SQOR: variants seen among roughly 807,000 people sequenced by gnomAD.
The protein encoded by SQOR is sulfide quinone oxidoreductase, also known as sulfide:quinone oxidoreductase, mitochondrial.
SQOR carries 39 observed loss-of-function variants against 48.6 expected under a neutral mutation model. The observed-to-expected ratio is 0.80, with a 90% CI of 0.62 to 1.05. The LOEUF is 1.05. Ranked by LOEUF, SQOR falls within the 50% of genes least tolerant of loss-of-function variation. The pLI, the probability that SQOR is intolerant of heterozygous loss-of-function variation, is 0.00. For synonymous variants in SQOR, 220 were observed against 206.2 expected, an observed-to-expected ratio of 1.07 and a Z score of -0.57; for missense variants, 561 against 559.9, an observed-to-expected ratio of 1.00 and a Z score of -0.02.
intron 3 of SQOR, 149 bp downstream of exon 3, chr15:45,662,274 C>A: frequency 2.5e-6 from 2 of 785,568 alleles, no homozygotes; most frequent in Non-Finnish European, 4.0e-6. Context: ...CACAAGATGG[C>A]AGGGTATGTG....
chr15:45,668,552 G>C lies in SQOR; in HGVS notation c.406-1376G>C, dbSNP rs1889879770. Among the ~76,000 whole-genome samples the C allele has an allele frequency of 2.0e-5, 3 of 152,220 alleles. No homozygotes were observed. The South Asian group carries it at 6.2e-4, about 31-fold the overall frequency. On this transcript the variant is annotated intron_variant, in intron 3 of 9. Coordinates refer to ENST00000260324, the MANE Select transcript of SQOR (RefSeq NM_021199.4). ...CAGTGGTGAGGGTGATCGTGTCATA[G>C]TGGGAAAGCCTGCTGTGGAGGTGGC... is the stretch of plus-strand genomic sequence containing the variant.
Position 45,689,102 on chromosome 15 carries a change from G to A in SQOR, c.1180G>A (p.Asp394Asn), listed in dbSNP as rs754793253. 2 of 1,614,156 alleles carry A rather than the reference G, an allele frequency of 1.2e-6. No individual in the cohort carries two copies. Among genetic ancestry groups the A allele is most frequent in the Admixed American group, 1.7e-5 (1 of 60,014 alleles). ...GYNRVILAEFDYKAEPLETFP... is the reference protein window; with the variant it reads ...GYNRVILAEFNYKAEPLETFP... The stretch of plus-strand genomic sequence containing the variant: ...CAACCGTGTGATTCTTGCTGAGTTT[G>A]ACTACAAAGCAGAGCCGCTAGAAAC... The change falls in exon 9 of 10, where the codon GAC (aspartate) becomes AAC (asparagine). Residue 394 changes from aspartate (D) to asparagine (N), a missense_variant. Coordinates refer to ENST00000260324, the MANE Select transcript of SQOR (RefSeq NM_021199.4).
At chr15:45,688,899 AT>A in intron 8 of SQOR, 139 bp from the exon 9 acceptor site, 1 of 664,102 alleles carries the variant, frequency 1.5e-6, no homozygotes. Context: ...TATAATTTAC[AT>A]TTTTCACAGT....
chr15:45,653,143 A>G (rs774610566), intron 1 of SQOR, among the ~76,000 whole-genome samples: 8 of 152,126 alleles, frequency 5.3e-5, no homozygotes, highest in East Asian at 1.9e-4. Flanking sequence ...ATCAATACCA[A>G]CTAGGTGCCC....
At chr15:45,655,752 T>G (rs1178516036) in intron 1 of SQOR, among the ~76,000 whole-genome samples, 1 of 151,628 alleles carries the variant, frequency 6.6e-6, no homozygotes, top group East Asian at 1.9e-4. Context: ...GGCGCAATCT[T>G]GGCTTACTGC....
At chr15:45,631,278 T>C (rs921197435), upstream of SQOR, 2 of 153,978 alleles carry the variant, frequency 1.3e-5, no homozygotes, top group African/African-American at 4.8e-5. Flanking sequence ...GGTATGTCTT[T>C]ATCAGCAGTG....
upstream of SQOR, among the ~76,000 whole-genome samples, chr15:45,632,482 A>T (rs1365156819): frequency 6.6e-6 from 1 of 151,842 alleles, no homozygotes; most frequent in African/African-American, 2.4e-5. Flanking sequence ...AGCCTCCCAA[A>T]GTGCTAGGAT....
rs542128204 is a variant in SQOR, at chr15:45,652,165, C to A, written c.-17-6742C>A. ...CTGGGATTACAGGCGTGAGCCACCA[C>A]GTCCGGCCGGTAGTTAATTCTTATT... On this transcript the variant is annotated intron_variant, in intron 1 of 9. Transcript: ENST00000260324. 3.9e-5 allele frequency among the ~76,000 whole-genome samples: 6 copies of A among 152,036 alleles called. No individual in the cohort carries two copies. The East Asian group carries it at 1.2e-3, about 30-fold the overall frequency.
chr15:45,650,147 T>C (rs889933521), intron 1 of SQOR, among the ~76,000 whole-genome samples: 2 of 152,146 alleles, frequency 1.3e-5, no homozygotes, highest in African/African-American at 2.4e-5. Context: ...CTGACTTTTT[T>C]TTAAGCCTTT....
chr15:45,638,293 T>C (rs1055099024), intron 1 of SQOR, among the ~76,000 whole-genome samples: 6 of 152,188 alleles, frequency 3.9e-5, no homozygotes, highest in African/African-American at 1.4e-4. Flanking sequence ...TGTGACTGTA[T>C]TAGGAGATAG....
chr15:45,668,183 A>T (rs1447183645), intron 3 of SQOR, among the ~76,000 whole-genome samples: 1 of 151,570 alleles, frequency 6.6e-6, no homozygotes, highest in Admixed American at 6.6e-5. Context: ...TGACCTTTTG[A>T]TCCACCCGCC....
rs772481694 is a variant in SQOR at position 45,661,913 on chromosome 15, A to G, written c.235-42A>G. ...CTGTTAGCTATGACCCCTTTTGATC[A>G]GTGTCAAATTGCAATAAATCTTCAA... On this transcript the variant is annotated intron_variant, in intron 2 of 9. Transcript: ENST00000260324. 8 of 1,585,136 alleles carry G rather than the reference A, an allele frequency of 5.0e-6. No homozygotes were observed. The Admixed American group carries it at 1.1e-4, about 21-fold the overall frequency.
Position 45,689,141 on chromosome 15 carries a change from C to G in SQOR, c.1219C>G (p.Gln407Glu), listed in dbSNP as rs1318416868. The G allele has an allele frequency of 6.2e-7, 1 of 1,614,148 alleles. No homozygotes were observed. Among genetic ancestry groups the G allele is most frequent in the South Asian group, 1.1e-5 (1 of 91,072 alleles). ...AEPLETFPFD[Q>E]SKERLSMYLM... ...GCCGCTAGAAACCTTCCCCTTTGAT[C>G]AAAGCAAAGAGCGCCTTTCCATGTA... Residue 407 changes from glutamine to glutamate, a missense_variant, in exon 9 of 10, where the codon CAA (glutamine) becomes GAA (glutamate). Transcript: ENST00000260324.
At chr15:45,690,408 C>A (rs62008316) in intron 9 of SQOR, among the ~76,000 whole-genome samples, 30,025 of 152,128 alleles carry the variant, frequency 0.2, 3,086 homozygotes, top group Middle Eastern at 0.35. Context: ...TTTGACTTTT[C>A]TAAACCCATA....
chr15:45,684,637 C>G (rs1890189603), intron 7 of SQOR, among the ~76,000 whole-genome samples: 1 of 152,022 alleles, frequency 6.6e-6, no homozygotes, highest in East Asian at 1.9e-4. Flanking sequence ...TAAAAGTACT[C>G]TCTCTCTCTT....
chr15:45,676,317 G>A lies in SQOR; in HGVS notation c.864+7G>A, dbSNP rs1890036377. The A allele has an allele frequency of 6.2e-7, 1 of 1,613,774 alleles. No individual in the cohort carries two copies. Among genetic ancestry groups the A allele is most frequent in the Non-Finnish European group, 8.5e-7 (1 of 1,179,808 alleles). On this transcript the variant is annotated splice_region_variant and intron_variant, in intron 6 of 9. Coordinates refer to ENST00000260324, the MANE Select transcript of SQOR (RefSeq NM_021199.4). The stretch of plus-strand genomic sequence containing the variant: ...AGAGACCCAAGTGATTTCAGTGAGT[G>A]GTGAGGCTAAGCTGTCAGCATGAAG...
chr15:45,689,015 A>G (rs1372368283), intron 8 of SQOR, 24 bp from the exon 9 acceptor site: 1 of 1,608,402 alleles, frequency 6.2e-7, no homozygotes, highest in South Asian at 1.1e-5. Flanking sequence ...CTACTTTCCA[A>G]CTCAGTCTGA....
chr15:45,643,780 T>A (rs1321312377), intron 1 of SQOR, among the ~76,000 whole-genome samples: 1 of 152,120 alleles, frequency 6.6e-6, no homozygotes, highest in African/African-American at 2.4e-5. Flanking sequence ...TCTCACCTTC[T>A]TTTCTGAGCA....
At chr15:45,649,058 C>T (rs1889409321) in intron 1 of SQOR, among the ~76,000 whole-genome samples, 1 of 152,232 alleles carries the variant, frequency 6.6e-6, no homozygotes, top group African/African-American at 2.4e-5. Context: ...TCTTGCTTAG[C>T]CAGCAGCTCT....
Sources: allele counts gnomAD v4.1 joint callset (sites outside exome capture counted in the v4.1 genomes callset), GRCh38; gene constraint gnomAD v4.1.1; transcripts MANE v1.5; gene names NCBI Gene and HGNC (gene_info 2026-07-23, HGNC 2026-07-21).